The following TVP23A variants were observed in gnomAD, a reference collection of about 807,000 sequenced individuals.
TVP23A encodes trans-golgi network vesicle protein 23 homolog A.
A neutral mutation model predicts 31.7 loss-of-function variants in TVP23A; 21 were observed. The observed-to-expected ratio is 0.66, with a 90% CI of 0.47 to 0.95. The LOEUF is 0.95. TVP23A is among the 40% of genes least tolerant of loss of function. The probability of loss-of-function intolerance (pLI) is 0.00; values close to 1 mark genes in which losing one functional copy is unlikely to be tolerated. For synonymous variants in TVP23A, 104 were observed against 96.0 expected, an observed-to-expected ratio of 1.08 and a Z score of -0.49; for missense variants, 279 against 255.6, an observed-to-expected ratio of 1.09 and a Z score of -0.62.
At chr16:10,761,959 G>A, downstream of TVP23A, 1 of 910,982 alleles carries the variant, frequency 1.1e-6, no homozygotes, top group African/African-American at 1.7e-5. Flanking sequence ...GGCAATGGAA[G>A]GAGGAGGGTC....
At chr16:10,771,057 G>A (rs888968323) in intron 6 of TVP23A, among the ~76,000 whole-genome samples, 16 of 152,074 alleles carry the variant, frequency 1.1e-4, no homozygotes, top group African/African-American at 3.6e-4. Flanking sequence ...CTGGTTGCTA[G>A]GGCTAGGAGG....
chr16:10,802,390 C>G (rs999074375), intron 2 of TVP23A, among the ~76,000 whole-genome samples: 3 of 151,796 alleles, frequency 2.0e-5, no homozygotes, highest in Non-Finnish European at 4.4e-5. Context: ...AGTGATCCTC[C>G]TGCCTCAGCC....
intron 2 of TVP23A, among the ~76,000 whole-genome samples, chr16:10,806,137 G>GT (rs2033932312): frequency 2.6e-5 from 4 of 152,300 alleles, no homozygotes. Flanking sequence ...GAGGTCAGGA[G>GT]TTTGAGACCA....
At chr16:10,790,580 C>T (rs76650416) in intron 2 of TVP23A, among the ~76,000 whole-genome samples, 4,004 of 152,096 alleles carry the variant, frequency 0.026, 166 homozygotes, top group African/African-American at 0.091. Context: ...CCACTGCGCC[C>T]GACCATCTTG....
intron 2 of TVP23A, among the ~76,000 whole-genome samples, chr16:10,817,022 G>A (rs145093942): frequency 3.0e-4 from 45 of 151,564 alleles, no homozygotes; most frequent in Middle Eastern, 3.4e-3. Context: ...CCTTGAAGAC[G>A]GAGGAACAGG....
In TVP23A at chr16:10,775,511, G is replaced by A. The variant is rs922137321; in HGVS notation, c.90-415C>T. Reference sequence around the variant, plus strand: ...AGCTCCAAGCTCACACGCAGCCCACGGGGCAGGTGTCTCATGTCATCGGGG... The same window carrying A: ...AGCTCCAAGCTCACACGCAGCCCACAGGGCAGGTGTCTCATGTCATCGGGG... On this transcript the variant is annotated intron_variant, in intron 2 of 7. Transcript: ENST00000299866. 36 of 1,044,526 alleles carry A rather than the reference G, an allele frequency of 3.4e-5. No individual in the cohort carries two copies. In the Admixed American group the frequency reaches 3.5e-4, roughly 10 times the overall value. The allele number at this position is 1,044,526 out of a possible 1,614,324, so 64.7% of individuals were successfully genotyped here.
Position 10,818,145 on chromosome 16 carries a change from A to T in TVP23A, c.47T>A (p.Phe16Tyr). 6.2e-7 allele frequency: 1 copy of T among 1,609,190 alleles called. No homozygotes were observed. Among genetic ancestry groups the T allele is most frequent in the South Asian group, 1.1e-5 (1 of 89,530 alleles). Residue 16 changes from phenylalanine (F) to tyrosine (Y), a missense_variant, in exon 2 of 8, where the codon TTT becomes TAT. Phe to Tyr is a conservative substitution (Grantham distance 22, BLOSUM62 3). Transcript: ENST00000299866. The surrounding 1 kb of genome is among the most constrained non-coding windows in gnomAD (Gnocchi z 4.7). ...AAAGGCCAGCTCCTCCTCGTTTCCAAAGTCCAGGGACACATCCTCGGTATC... is the reference window on the plus strand; with the variant it reads ...AAAGGCCAGCTCCTCCTCGTTTCCATAGTCCAGGGACACATCCTCGGTATC... ...VDDTEDVSLD[F>Y]GNEEELAFRK...
chr16:10,759,282 A>G (rs1160887995), downstream of TVP23A, among the ~76,000 whole-genome samples: 1 of 152,164 alleles, frequency 6.6e-6, no homozygotes, highest in Non-Finnish European at 1.5e-5. The surrounding 1 kb of genome is among the most constrained non-coding windows in gnomAD (Gnocchi z 4.7). Context: ...CCCAGCGGCC[A>G]TGGGAAGGGT....
chr16:10,759,773 C>A (rs1302173177), downstream of TVP23A, among the ~76,000 whole-genome samples: 1 of 152,120 alleles, frequency 6.6e-6, no homozygotes, highest in African/African-American at 2.4e-5. The surrounding 1 kb of genome is among the most constrained non-coding windows in gnomAD (Gnocchi z 4.7). Flanking sequence ...AAGACTCTGT[C>A]TCAAAAAAAG....
intron 2 of TVP23A, among the ~76,000 whole-genome samples, chr16:10,788,600 G>C (rs1237804081): frequency 6.6e-6 from 1 of 152,136 alleles, no homozygotes; most frequent in Non-Finnish European, 1.5e-5. Flanking sequence ...GGAGCCAGGG[G>C]GCCAGAGCAA....
At chr16:10,804,010 T>C (rs1247208981) in intron 2 of TVP23A, among the ~76,000 whole-genome samples, 2 of 152,226 alleles carry the variant, frequency 1.3e-5, no homozygotes, top group Non-Finnish European at 2.9e-5. Flanking sequence ...GTATTTTAAA[T>C]TTTGTTTTAA....
At chr16:10,780,162 T>C (rs1253071734) in intron 2 of TVP23A, among the ~76,000 whole-genome samples, 1 of 152,204 alleles carries the variant, frequency 6.6e-6, no homozygotes, top group Non-Finnish European at 1.5e-5. Flanking sequence ...TTTTAATCTA[T>C]AACTAATATC....
chr16:10,760,146 G>A (rs1041957014), downstream of TVP23A, among the ~76,000 whole-genome samples: 6 of 152,264 alleles, frequency 3.9e-5, no homozygotes, highest in Admixed American at 1.3e-4. Flanking sequence ...CTTTTAGTCA[G>A]TTGTTTGTGT....
Position 10,818,693 on chromosome 16 carries a change from G to A in TVP23A, c.-200C>T, listed in dbSNP as rs1434405783. ...CTCGGGGCCTAAGGCGCAGTCGCAGGCTGGGGAGGGGGCTCGGCTCGCCGG... is the reference window on the plus strand; with the variant it reads ...CTCGGGGCCTAAGGCGCAGTCGCAGACTGGGGAGGGGGCTCGGCTCGCCGG... On this transcript the variant is annotated 5_prime_UTR_variant, in exon 1 of 8. Coordinates refer to ENST00000299866, the MANE Select transcript of TVP23A (RefSeq NM_001079512.4). The surrounding 1 kb of genome is among the most constrained non-coding windows in gnomAD (Gnocchi z 4.7). The A allele has an allele frequency of 5.2e-6, 3 of 573,344 alleles. No individual in the cohort carries two copies. The highest frequency in any genetic ancestry group is 2.9e-5 in the South Asian group (1 of 35,000). The allele number at this position is 573,344 out of a possible 1,614,324, so 35.5% of individuals were successfully genotyped here. A position where few individuals can be genotyped will look rare whatever the true frequency, so the allele number is the denominator to read the frequency against.
At chr16:10,797,277 T>C (rs1322055667) in intron 2 of TVP23A, among the ~76,000 whole-genome samples, 2 of 151,984 alleles carry the variant, frequency 1.3e-5, no homozygotes, top group Admixed American at 1.3e-4. Context: ...TTCATGGCCT[T>C]TGGGAGCCAC....
chr16:10,815,522 A>T (rs1009501063), intron 2 of TVP23A, among the ~76,000 whole-genome samples: 1 of 152,214 alleles, frequency 6.6e-6, no homozygotes, highest in African/African-American at 2.4e-5. Context: ...AGTTTGCCCC[A>T]CAGAGGATAT....
At chr16:10,798,913 T>C (rs2033551948) in intron 2 of TVP23A, among the ~76,000 whole-genome samples, 1 of 152,192 alleles carries the variant, frequency 6.6e-6, no homozygotes, top group Non-Finnish European at 1.5e-5. Context: ...CTGCCTGCCT[T>C]GGCCTTCCAA....
downstream of TVP23A, chr16:10,765,968 G>A (rs551178247): frequency 2.6e-5 from 4 of 152,468 alleles, no homozygotes; most frequent in Non-Finnish European, 5.9e-5. This position sits in a 1 kb window ranked among gnomAD's most constrained non-coding sequence, Gnocchi z 4.0. Context: ...CCAAGAGGGT[G>A]GAGCATGAGG....
chr16:10,815,782 C>T (rs1051094356), intron 2 of TVP23A, among the ~76,000 whole-genome samples: 2 of 152,134 alleles, frequency 1.3e-5, no homozygotes, highest in Admixed American at 1.3e-4. Flanking sequence ...AGTAGATACT[C>T]AATAGAAATT....
Sources: gnomAD v4.1 joint callset for allele counts (sites outside exome capture counted in the v4.1 genomes callset) on GRCh38, gnomAD v4.1.1 for gene constraint, Gnocchi (gnomAD v3.1) non-coding constraint, MANE v1.5 for transcripts, NCBI Gene and HGNC (gene_info 2026-07-23, HGNC 2026-07-21) for gene names.